Variants in ACSL3 observed in about 807,000 individuals in gnomAD.
The protein encoded by ACSL3 is fatty acid CoA ligase Acsl3.
ACSL3 carries 34 observed loss-of-function variants against 84.7 expected under a neutral mutation model. The ratio of observed to expected loss-of-function variants is 0.40; its 90% confidence interval spans 0.31 to 0.53. ACSL3 has a LOEUF of 0.53. ACSL3 is among the 20% of genes least tolerant of loss of function. ACSL3 has a pLI of 0.48. For missense variants in ACSL3, 680 were observed against 873.1 expected, an observed-to-expected ratio of 0.78 and a Z score of 2.79; for synonymous variants, 315 against 299.4, an observed-to-expected ratio of 1.05 and a Z score of -0.54.
rs1697338399 is a variant in ACSL3, at chr2:222,942,490, G to T, written c.*836G>T. The T allele has an allele frequency of 5.2e-6, 1 of 192,790 alleles. No homozygotes were observed. The highest frequency in any genetic ancestry group is 2.3e-5 in the African/African-American group (1 of 43,126). The allele number at this position is 192,790 out of a possible 1,614,324, so 11.9% of individuals were successfully genotyped here. A position where few individuals can be genotyped will look rare whatever the true frequency, so the allele number is the denominator to read the frequency against. ...TAAATGGAAGAATTCTGAAAGAGAGGATAGAATTTAAAGAACAAGAGTATA... is the reference window on the plus strand; with the variant it reads ...TAAATGGAAGAATTCTGAAAGAGAGTATAGAATTTAAAGAACAAGAGTATA... On this transcript the variant is annotated 3_prime_UTR_variant, in exon 17 of 17. Transcript: ENST00000357430.
intron 2 of ACSL3, among the ~76,000 whole-genome samples, chr2:222,896,480 C>T (rs1161663608): frequency 5.3e-5 from 1 of 18,764 alleles, no homozygotes; most frequent in African/African-American, 1.8e-4. Context: ...GGGGGCTGAC[C>T]CCCCCCACCT....
Position 222,920,813 on chromosome 2 carries a change from C to T in ACSL3, c.806-467C>T, listed in dbSNP as rs570750274. On this transcript the variant is annotated intron_variant, in intron 7 of 16. Coordinates refer to ENST00000357430, the MANE Select transcript of ACSL3 (RefSeq NM_004457.5). ...TTGTTTCTTGCCACTCTTCCTCTTG[C>T]TCACTCTGTTCCAGCCACACTCCTT... The T allele has an allele frequency of 2.3e-4, 83 of 353,486 alleles. 1 individual carries two copies. Among genetic ancestry groups the T allele is most frequent in the African/African-American group, 1.7e-3 (80 of 46,816 alleles). The allele number at this position is 353,486 out of a possible 1,614,324, so 21.9% of individuals were successfully genotyped here.
chr2:222,913,063 C>T (rs1394691000), intron 4 of ACSL3, among the ~76,000 whole-genome samples: 1 of 152,092 alleles, frequency 6.6e-6, no homozygotes, highest in Non-Finnish European at 1.5e-5. Context: ...GAAAAGAGTA[C>T]AAGCTGGCTC....
At chr2:222,875,124 A>G (rs1189899187) in intron 1 of ACSL3, among the ~76,000 whole-genome samples, 1 of 152,236 alleles carries the variant, frequency 6.6e-6, no homozygotes, top group Non-Finnish European at 1.5e-5. Flanking sequence ...CAAAGTGATC[A>G]GAACAGTGCC....
intron 1 of ACSL3, among the ~76,000 whole-genome samples, chr2:222,864,175 G>C (rs1695080633): frequency 1.3e-5 from 2 of 152,178 alleles, no homozygotes; most frequent in Non-Finnish European, 2.9e-5. Flanking sequence ...TATTCACTGA[G>C]CTGGGGCTTA....
intron 1 of ACSL3, among the ~76,000 whole-genome samples, chr2:222,870,318 TTTAATGGG>T: frequency 6.6e-6 from 1 of 152,212 alleles, no homozygotes; most frequent in Non-Finnish European, 1.5e-5. Context: ...CTACCTGGAA[TTTAATGGG>T]GTGTTTGCAT....
At chr2:222,874,542 A>T (rs1695396662) in intron 1 of ACSL3, among the ~76,000 whole-genome samples, 2 of 151,894 alleles carry the variant, frequency 1.3e-5, no homozygotes, top group Admixed American at 6.6e-5. Flanking sequence ...ATAATAAAAA[A>T]TACTAACTGA....
At chr2:222,929,536 C>T (rs565879456) in intron 13 of ACSL3, among the ~76,000 whole-genome samples, 1 of 152,268 alleles carries the variant, frequency 6.6e-6, no homozygotes, top group South Asian at 2.1e-4. Flanking sequence ...AATCCCAGCA[C>T]TTTGGGAGGC....
chr2:222,924,899 G>A (rs1246026394), intron 11 of ACSL3, among the ~76,000 whole-genome samples: 1 of 151,982 alleles, frequency 6.6e-6, no homozygotes, highest in Non-Finnish European at 1.5e-5. Flanking sequence ...GGTGGCGGGC[G>A]CCTGTAATCC....
intron 1 of ACSL3, among the ~76,000 whole-genome samples, chr2:222,864,248 C>T (rs554743277): frequency 5.2e-4 from 79 of 152,176 alleles, no homozygotes; most frequent in Non-Finnish European, 9.4e-4. Flanking sequence ...AAGTGTTCAG[C>T]TGGAGCTGCC....
At chr2:222,927,510 C>G (rs542916125) in intron 12 of ACSL3, among the ~76,000 whole-genome samples, 120 of 152,216 alleles carry the variant, frequency 7.9e-4, no homozygotes, top group African/African-American at 2.7e-3. Context: ...GATTAAATTT[C>G]TTTTTATGTA....
intron 6 of ACSL3, 67 bp downstream of exon 6, chr2:222,918,222 T>C: frequency 6.2e-6 from 6 of 969,820 alleles, no homozygotes; most frequent in Admixed American, 2.2e-5. Flanking sequence ...AGCCCTATTA[T>C]TGATACTTAG....
At chr2:222,940,421 C>G (rs1205169527) in intron 16 of ACSL3, among the ~76,000 whole-genome samples, 3 of 151,598 alleles carry the variant, frequency 2.0e-5, no homozygotes, top group Non-Finnish European at 4.4e-5. Flanking sequence ...GGTATGTATC[C>G]TTCTCCTCAC....
chr2:222,924,070 A>C (rs1416252641), intron 10 of ACSL3, among the ~76,000 whole-genome samples: 1 of 152,208 alleles, frequency 6.6e-6, no homozygotes, highest in Non-Finnish European at 1.5e-5. Flanking sequence ...TAAAGTTAGG[A>C]CATTTTGAAA....
rs748620640 is a variant in ACSL3, at chr2:222,908,738, C to T, written c.-35C>T. 33 of 1,543,020 alleles carry T rather than the reference C, an allele frequency of 2.1e-5. No homozygotes were observed. The highest frequency in any genetic ancestry group is 1.9e-5 in the Non-Finnish European group (22 of 1,153,102). Reference sequence around the variant, plus strand: ...TTTCTTTTTCTTCCTCCTAGATTCTCGCTGAAGTCTGTTAATTCTACTTTT... The same window carrying T: ...TTTCTTTTTCTTCCTCCTAGATTCTTGCTGAAGTCTGTTAATTCTACTTTT... On this transcript the variant is annotated 5_prime_UTR_variant, in exon 4 of 17. Transcript: ENST00000357430.
At chr2:222,882,474 C>CAGT (rs150672657) in intron 1 of ACSL3, among the ~76,000 whole-genome samples, 2,788 of 152,210 alleles carry the variant, frequency 0.018, 68 homozygotes, top group African/African-American at 0.056. Flanking sequence ...GTCGAGGAGG[C>CAGT]AGTGGGGTGG....
chr2:222,880,044 A>T (rs576634012), intron 1 of ACSL3, among the ~76,000 whole-genome samples: 1 of 152,312 alleles, frequency 6.6e-6, no homozygotes, highest in South Asian at 2.1e-4. Context: ...GATGCTGTGC[A>T]ACTTACTGAA....
chr2:222,941,773 A>C lies in ACSL3; in HGVS notation c.*119A>C. ...TCCTCATATTAAACTATTACTTCTC[A>C]TGACGTCACCATTTTTAACTGACAG... is the stretch of plus-strand genomic sequence containing the variant. On this transcript the variant is annotated 3_prime_UTR_variant, in exon 17 of 17. Transcript: ENST00000357430. 9.1e-5 allele frequency: 99 copies of C among 1,085,486 alleles called. No individual in the cohort carries two copies. Among genetic ancestry groups the C allele is most frequent in the Non-Finnish European group, 1.1e-4 (88 of 789,956 alleles). 67.2% of individuals were successfully genotyped at this position (1,085,486 alleles called of 1,614,324 possible). A position where few individuals can be genotyped will look rare whatever the true frequency, so the allele number is the denominator to read the frequency against.
rs1695396277 is a variant in ACSL3, at chr2:222,874,536, T to C, written c.-207+13278T>C. On this transcript the variant is annotated intron_variant, in intron 1 of 16. Transcript: ENST00000357430. ...GGAGACTTGGTCTCTATAAAAATAA[T>C]AAAAAATACTAACTGAGTTGGGTGC... Among the ~76,000 whole-genome samples, 4 of 151,368 alleles carry C rather than the reference T, an allele frequency of 2.6e-5. No individual in the cohort carries two copies. The South Asian group carries it at 6.3e-4, about 24-fold the overall frequency.
Sources: allele counts gnomAD v4.1 joint callset (sites outside exome capture counted in the v4.1 genomes callset), GRCh38; gene constraint gnomAD v4.1.1; transcripts MANE v1.5; gene names NCBI Gene and HGNC (gene_info 2026-07-23, HGNC 2026-07-21).